The following KDM5C variants were observed in gnomAD, a reference collection of about 807,000 sequenced individuals.
KDM5C encodes the protein lysine-specific demethylase 5C.
In KDM5C, 16 loss-of-function variants were observed where a neutral mutation model predicts 110.6. That is an observed-to-expected ratio of 0.14 (90% CI 0.10 to 0.22). The LOEUF (loss-of-function observed/expected upper bound fraction) is 0.22. Among genes scored for constraint, KDM5C ranks in the 10% least tolerant of loss-of-function variants. The pLI is 1.00. For missense variants in KDM5C, 681 were observed against 1,300.9 expected, an observed-to-expected ratio of 0.52 and a Z score of 7.33; for synonymous variants, 511 against 520.4, an observed-to-expected ratio of 0.98 and a Z score of 0.24.
In KDM5C at chrX:53,194,496, G is replaced by C; in HGVS notation, c.3681C>G (p.Pro1227=). The C allele has an allele frequency of 8.3e-7, 1 of 1,211,310 alleles. No individual in the cohort carries two copies. The highest frequency in any genetic ancestry group is 1.1e-6 in the Non-Finnish European group (1 of 895,075). The stretch of plus-strand genomic sequence containing the variant: ...ACCAGGCCAGCAGTGGGGATGAGGT[G>C]GGATTGGGCCTCGGAGAGCTGAGGA... The part of the protein sequence containing the change: ...PRLLSSPRPN[P]TSSPLLAWWE... Residue 1227 remains proline, a synonymous_variant, in exon 23 of 26, where the codon CCC becomes CCG. Coordinates refer to ENST00000375401, the MANE Select transcript of KDM5C (RefSeq NM_004187.5).
At chrX:53,217,436 A>G (rs113755575) in intron 4 of KDM5C, among the ~76,000 whole-genome samples, 159 bp from the exon 5 acceptor site, 4 of 111,321 alleles carry the variant, frequency 3.6e-5, no homozygotes, top group African/African-American at 1.3e-4. Context: ...TGACACCAGC[A>G]CACATTTTGG....
chrX:53,194,005 A>G, intron 23 of KDM5C, 134 bp downstream of exon 23: 1 of 974,336 alleles, frequency 1.0e-6, no homozygotes, highest in Admixed American at 2.6e-5. Context: ...GAATCTGGAC[A>G]GATGCAGAAT....
At chrX:53,199,202 T>G in intron 14 of KDM5C, 44 bp from the exon 15 acceptor site, 1 of 1,163,846 alleles carries the variant, frequency 8.6e-7, no homozygotes, top group Non-Finnish European at 1.2e-6. Flanking sequence ...CAGAACCAGG[T>G]AGCAAAATCC....
intron 10 of KDM5C, among the ~76,000 whole-genome samples, chrX:53,211,075 AT>A (rs1556848553): frequency 9.0e-6 from 1 of 111,558 alleles, no homozygotes; most frequent in African/African-American, 3.3e-5. Context: ...GTTTACCGAT[AT>A]ATCCACCTAC....
rs781790922 is a variant in KDM5C at position 53,197,762 on chromosome X, C to T, written c.2622+9G>A. ...CTTGATCCCTCATCAGCACTCCAAG[C>T]GTCCTCACCTTGACATCCCCAATCT... is the stretch of plus-strand genomic sequence containing the variant. On this transcript the variant is annotated intron_variant, in intron 18 of 25. Coordinates refer to ENST00000375401, the MANE Select transcript of KDM5C (RefSeq NM_004187.5). 9 of 1,184,353 alleles carry T rather than the reference C, an allele frequency of 7.6e-6. No individual in the cohort carries two copies. Among genetic ancestry groups the T allele is most frequent in the African/African-American group, 3.5e-5 (2 of 56,649 alleles).
At position 53,199,167 on chromosome X, in the gene KDM5C, A is replaced by G. The variant is rs782419165; in HGVS notation, c.2062-9T>C. 4.2e-5 allele frequency: 51 copies of G among 1,207,765 alleles called. No homozygotes were observed. The highest frequency in any genetic ancestry group is 5.7e-5 in the Non-Finnish European group (51 of 893,202). On this transcript the variant is annotated splice_polypyrimidine_tract_variant and intron_variant, in intron 14 of 25. Transcript: ENST00000375401. Reference sequence around the variant, plus strand: ...TCAGCCTCTGTGATACCCTAAGGGCATTTAACCTATGCGTTATATATAACC... The same window carrying G: ...TCAGCCTCTGTGATACCCTAAGGGCGTTTAACCTATGCGTTATATATAACC...
intron 8 of KDM5C, chrX:53,212,407 G>A (rs2073594434): frequency 8.4e-6 from 1 of 119,263 alleles, no homozygotes; most frequent in Non-Finnish European, 1.7e-5. Flanking sequence ...CCAGGTTCAA[G>A]CGATTCTCCT....
chrX:53,218,739 C>A (rs912222370), intron 2 of KDM5C: 1 of 316,445 alleles, frequency 3.2e-6, no homozygotes, highest in Admixed American at 3.8e-5. Flanking sequence ...CCACGCCCGG[C>A]TAATTTTGTA....
In KDM5C at chrX:53,197,041, C is replaced by A; in HGVS notation, c.2626G>T (p.Val876Phe). 8.5e-7 allele frequency: 1 copy of A among 1,182,475 alleles called. No individual in the cohort carries two copies. The change falls in exon 19 of 26, where the codon GTT becomes TTT. Residue 876 changes from valine to phenylalanine, a missense_variant. By Grantham distance (50) the Val-to-Phe change is conservative (BLOSUM62 -1). This residue lies in a region of KDM5C where 123 missense variants were observed against 169.0 expected (regional missense o/e 0.73). Coordinates refer to ENST00000375401, the MANE Select transcript of KDM5C (RefSeq NM_004187.5). The part of the protein sequence containing the change: ...AMHQIGDVKG[V>F]LEQVEAYQAE... ...TGGTAGGCCTCCACCTGTTCCAGAA[C>A]ACCCTACCAGGACACAGGATGAAGA...
intron 12 of KDM5C, among the ~76,000 whole-genome samples, chrX:53,208,144 TCA>T (rs782706508): frequency 9.3e-6 from 1 of 107,815 alleles, no homozygotes; most frequent in East Asian, 2.9e-4. Flanking sequence ...AACATAAAAA[TCA>T]CAGATACTTG....
chrX:53,206,319 G>A (rs985698476), intron 12 of KDM5C, among the ~76,000 whole-genome samples: 1 of 111,482 alleles, frequency 9.0e-6, no homozygotes, highest in African/African-American at 3.3e-5. Context: ...GGCTGGAAAG[G>A]GGAGTGACCG....
At position 53,224,969 on chromosome X, in the gene KDM5C, C is replaced by A. The variant is rs1158137907; in HGVS notation, c.-80G>T. 9.3e-7 allele frequency: 1 copy of A among 1,074,867 alleles called. No individual in the cohort carries two copies. The highest frequency in any genetic ancestry group is 1.2e-6 in the Non-Finnish European group (1 of 813,909). The allele number at this position is 1,074,867 out of a possible 1,213,427, so 88.6% of individuals were successfully genotyped here. ...TCATGGCGCCGCCGCTGTTTGAAGC[C>A]GAGGCAATGCTCGGAGGCTAGGCCC... On this transcript the variant is annotated 5_prime_UTR_variant, in exon 1 of 26. Coordinates refer to ENST00000375401, the MANE Select transcript of KDM5C (RefSeq NM_004187.5).
At position 53,180,112 on chromosome X, in the gene KDM5C, T is replaced by A. The variant is rs1172910427; in HGVS notation, c.4309-3490A>T. 3.6e-5 allele frequency among the ~76,000 whole-genome samples: 4 copies of A among 111,660 alleles called. No homozygotes were observed. In the East Asian group the frequency reaches 1.1e-3, roughly 31 times the overall value. ...TATTCAGCAATAAAGATAAATGAGC[T>A]ATCAAGCCACCAAGAGACATGGAAG... On this transcript the variant is annotated intron_variant, in intron 25 of 25. Transcript: ENST00000685641.
At position 53,192,858 on chromosome X, in the gene KDM5C, G is replaced by A; in HGVS notation, c.*109C>T. 1.4e-6 allele frequency: 1 copy of A among 728,428 alleles called. No individual in the cohort carries two copies. The highest frequency in any genetic ancestry group is 4.8e-5 in the East Asian group (1 of 20,797). The allele number at this position is 728,428 out of a possible 1,213,427, so 60.0% of individuals were successfully genotyped here. ...CAGGGGTGGGCGGGTAGCAGGGATG[G>A]CCACCCCCCTACCCGCCCACCCCCC... On this transcript the variant is annotated 3_prime_UTR_variant, in exon 26 of 26. Coordinates refer to ENST00000375401, the MANE Select transcript of KDM5C (RefSeq NM_004187.5).
Position 53,192,588 on chromosome X carries a change from C to A in KDM5C, c.*379G>T. ...AGGGGTTAGTGTAGCATGGCCTGGC[C>A]AGGACCAGAACTGGGGAGAGAAGGG... On this transcript the variant is annotated 3_prime_UTR_variant, in exon 26 of 26. Coordinates refer to ENST00000375401, the MANE Select transcript of KDM5C (RefSeq NM_004187.5). The A allele has an allele frequency of 1.9e-6, 1 of 537,740 alleles. No individual in the cohort carries two copies. Among genetic ancestry groups the A allele is most frequent in the Non-Finnish European group, 3.1e-6 (1 of 326,904 alleles). 44.3% of individuals were successfully genotyped at this position (537,740 alleles called of 1,213,427 possible). A position where few individuals can be genotyped will look rare whatever the true frequency, so the allele number is the denominator to read the frequency against.
chrX:53,216,734 G>A (rs999731393), intron 5 of KDM5C, among the ~76,000 whole-genome samples: 1 of 112,024 alleles, frequency 8.9e-6, no homozygotes, highest in Admixed American at 9.5e-5. Flanking sequence ...AAGCCTAGGA[G>A]TTCAAGATTA....
intron 11 of KDM5C, 43 bp downstream of exon 11, chrX:53,210,633 C>T (rs1364279994): frequency 8.3e-7 from 1 of 1,207,528 alleles, no homozygotes; most frequent in Non-Finnish European, 1.1e-6. Flanking sequence ...ATGCAGGGAG[C>T]CCACACTGAC....
intron 7 of KDM5C, 76 bp downstream of exon 7, chrX:53,215,719 G>C: frequency 9.3e-7 from 1 of 1,073,483 alleles, no homozygotes; most frequent in East Asian, 3.0e-5. Context: ...ATGCGAACTG[G>C]TCCAGTGCCA....
At chrX:53,187,701 G>C (rs937194127), downstream of KDM5C, among the ~76,000 whole-genome samples, 4 of 110,298 alleles carry the variant, frequency 3.6e-5, no homozygotes, top group African/African-American at 1.3e-4. Context: ...AGGAGTTTGA[G>C]AACAGTCTGG....
Sources: allele counts gnomAD v4.1 joint callset (sites outside exome capture counted in the v4.1 genomes callset), GRCh38; gene constraint gnomAD v4.1.1; regional missense constraint gnomAD v4.1.1; transcripts MANE v1.5; gene names NCBI Gene and HGNC (gene_info 2026-07-23, HGNC 2026-07-21).